Variants in ADAMTS3 observed in about 807,000 individuals in gnomAD.
ADAMTS3 encodes A disintegrin and metalloproteinase with thrombospondin motifs 3.
In ADAMTS3, 73 loss-of-function variants were observed where a neutral mutation model predicts 129.0. The observed-to-expected ratio is 0.57, with a 90% confidence interval of 0.47 to 0.69. The LOEUF is 0.69. Among genes scored for constraint, ADAMTS3 ranks in the 30% least tolerant of loss-of-function variants. The probability of loss-of-function intolerance (pLI) is 0.00; values close to 1 mark genes in which losing one functional copy is unlikely to be tolerated. For missense variants in ADAMTS3, 1,457 were observed against 1,514.5 expected (o/e 0.96, Z 0.63); for synonymous variants, 477 against 510.8 (o/e 0.93, Z 0.89).
chr4:72,540,972 G>T (rs1477233479), intron 3 of ADAMTS3, among the ~76,000 whole-genome samples: 1 of 152,230 alleles, frequency 6.6e-6, no homozygotes, highest in Non-Finnish European at 1.5e-5. Context: ...CCCTACTGGA[G>T]TACCACCTAG....
At chr4:72,490,801 C>A in intron 3 of ADAMTS3, among the ~76,000 whole-genome samples, 1 of 151,792 alleles carries the variant, frequency 6.6e-6, no homozygotes, top group East Asian at 1.9e-4. Flanking sequence ...TGCTAAGTTT[C>A]TTTGGCTACT....
chr4:72,534,219 C>G (rs560977875), intron 3 of ADAMTS3, among the ~76,000 whole-genome samples: 1 of 152,074 alleles, frequency 6.6e-6, no homozygotes, highest in Admixed American at 6.5e-5. Context: ...CCAAGCTACT[C>G]AGGAGGCTGA....
intron 3 of ADAMTS3, among the ~76,000 whole-genome samples, chr4:72,473,772 A>G (rs1719147841): frequency 6.6e-6 from 1 of 152,128 alleles, no homozygotes; most frequent in African/African-American, 2.4e-5. Flanking sequence ...TGAAAAACCA[A>G]GACTCCCAAC....
At chr4:72,540,611 G>A (rs1721296296) in intron 3 of ADAMTS3, among the ~76,000 whole-genome samples, 1 of 152,186 alleles carries the variant, frequency 6.6e-6, no homozygotes, top group African/African-American at 2.4e-5. Flanking sequence ...CGGAGGTCTA[G>A]GAGGAAAACA....
intron 3 of ADAMTS3, among the ~76,000 whole-genome samples, chr4:72,503,866 T>A (rs1233791404): frequency 6.6e-6 from 1 of 152,218 alleles, no homozygotes; most frequent in Non-Finnish European, 1.5e-5. Context: ...TCTTTGTCCT[T>A]TTTTACTGTT....
At chr4:72,540,646 T>A (rs1403465484) in intron 3 of ADAMTS3, among the ~76,000 whole-genome samples, 1 of 152,160 alleles carries the variant, frequency 6.6e-6, no homozygotes, top group Non-Finnish European at 1.5e-5. Context: ...AGGCCCAGCG[T>A]TGTCATGCTG....
At chr4:72,318,377 C>T (rs868550146) in intron 10 of ADAMTS3, among the ~76,000 whole-genome samples, 195 bp downstream of exon 10, 2 of 152,136 alleles carry the variant, frequency 1.3e-5, no homozygotes, top group South Asian at 2.1e-4. Context: ...CATCAGCTCT[C>T]TGCTAGTCTG....
intron 16 of ADAMTS3, among the ~76,000 whole-genome samples, chr4:72,305,161 A>C (rs1719049684): frequency 6.6e-6 from 1 of 152,038 alleles, no homozygotes; most frequent in Admixed American, 6.6e-5. Context: ...TTATGTTTAC[A>C]CTTGTCTATA....
chr4:72,310,600 T>G (rs1719205800), intron 14 of ADAMTS3, among the ~76,000 whole-genome samples: 1 of 152,152 alleles, frequency 6.6e-6, no homozygotes, highest in Non-Finnish European at 1.5e-5. Flanking sequence ...ACTTTTGTTC[T>G]AATGTGAAAT....
chr4:72,284,053 G>A (rs1339638493), intron 21 of ADAMTS3, among the ~76,000 whole-genome samples: 2 of 152,104 alleles, frequency 1.3e-5, no homozygotes, highest in East Asian at 3.9e-4. Context: ...AGGATGCAAA[G>A]GGGCATCTGT....
At chr4:72,355,134 G>A (rs995434142) in intron 4 of ADAMTS3, among the ~76,000 whole-genome samples, 2 of 150,130 alleles carry the variant, frequency 1.3e-5, no homozygotes, top group African/African-American at 4.9e-5. Context: ...TTTCATTATA[G>A]TCTACTCATT....
intron 3 of ADAMTS3, among the ~76,000 whole-genome samples, chr4:72,489,985 G>A (rs1324661217): frequency 6.6e-6 from 1 of 151,754 alleles, no homozygotes; most frequent in African/African-American, 2.4e-5. Flanking sequence ...CCCATCAGTA[G>A]TGTACAGACA....
At chr4:72,563,927 C>A (rs1721963939) in intron 2 of ADAMTS3, among the ~76,000 whole-genome samples, 1 of 152,150 alleles carries the variant, frequency 6.6e-6, no homozygotes, top group Non-Finnish European at 1.5e-5. Flanking sequence ...AATCTAGTGA[C>A]AATGTTTACT....
At chr4:72,356,261 A>G (rs756761251) in intron 4 of ADAMTS3, among the ~76,000 whole-genome samples, 1 of 152,000 alleles carries the variant, frequency 6.6e-6, no homozygotes, top group African/African-American at 2.4e-5. Context: ...TTCTAACAGT[A>G]TTGGAAGTGA....
At chr4:72,422,994 G>C (rs1722484250) in intron 3 of ADAMTS3, among the ~76,000 whole-genome samples, 1 of 152,078 alleles carries the variant, frequency 6.6e-6, no homozygotes, top group Admixed American at 6.6e-5. Flanking sequence ...TTTTAAAAAA[G>C]TTCCATCAAA....
At chr4:72,400,219 ATG>A (rs763201311) in intron 4 of ADAMTS3, among the ~76,000 whole-genome samples, 207 of 115,902 alleles carry the variant, frequency 1.8e-3, no homozygotes, top group South Asian at 2.4e-3. Flanking sequence ...CATGGTGTGT[ATG>A]TATATGTGTG....
chr4:72,541,428 G>A lies in ADAMTS3; in HGVS notation c.504+7050C>T, dbSNP rs749509899. ...TGTCTCAGATGAGACTTTGGACTGC[G>A]GACTTTTGAGCCCATGCTGAAATAA... On this transcript the variant is annotated intron_variant, in intron 3 of 21. Transcript: ENST00000286657. Among the ~76,000 whole-genome samples the A allele has an allele frequency of 1.5e-4, 23 of 152,312 alleles. 1 individual carries two copies. The highest frequency in any genetic ancestry group is 8.5e-4 in the Admixed American group (13 of 15,302).
At chr4:72,400,918 T>C (rs1721897210) in intron 4 of ADAMTS3, among the ~76,000 whole-genome samples, 1 of 150,220 alleles carries the variant, frequency 6.7e-6, no homozygotes, top group Non-Finnish European at 1.5e-5. Context: ...ATTGGACATA[T>C]ATATATATAC....
intron 3 of ADAMTS3, among the ~76,000 whole-genome samples, chr4:72,436,915 T>C (rs1031258028): frequency 4.6e-5 from 7 of 151,620 alleles, no homozygotes; most frequent in Admixed American, 3.3e-4. Flanking sequence ...AAATGACGAG[T>C]TAATGGGTGC....
Sources: gnomAD v4.1 joint callset for allele counts (sites outside exome capture counted in the v4.1 genomes callset) on GRCh38, gnomAD v4.1.1 for gene constraint, MANE v1.5 for transcripts, NCBI Gene and HGNC (gene_info 2026-07-23, HGNC 2026-07-21) for gene names.